Variants in WDR4 observed in about 807,000 individuals in gnomAD.
WDR4 encodes WDR4 tRNA N7-guanosine methyltransferase non-catalytic subunit.
In WDR4, 47 loss-of-function variants were observed where a neutral mutation model predicts 48.6. That is an observed-to-expected ratio of 0.97 (90% CI 0.77 to 1.23). The LOEUF (loss-of-function observed/expected upper bound fraction) is 1.23. Ranked by LOEUF, WDR4 falls within the 50% of genes most tolerant of loss-of-function variation. The pLI, the probability that WDR4 is intolerant of heterozygous loss-of-function variation, is 0.00. For missense variants in WDR4, 606 were observed against 551.6 expected, an observed-to-expected ratio of 1.10 and a Z score of -0.99; for synonymous variants, 268 against 230.0, an observed-to-expected ratio of 1.17 and a Z score of -1.49.
intron 2 of WDR4, among the ~76,000 whole-genome samples, chr21:42,875,959 C>T (rs1291939966): frequency 8.0e-6 from 1 of 124,916 alleles, no homozygotes; most frequent in Admixed American, 8.8e-5. Flanking sequence ...GCTGTGTCAC[C>T]CAGGTTGGAG....
At chr21:42,861,698 G>GA (rs1196252758) in intron 5 of WDR4, among the ~76,000 whole-genome samples, 2 of 152,190 alleles carry the variant, frequency 1.3e-5, no homozygotes, top group Non-Finnish European at 2.9e-5. Flanking sequence ...CCTCGGCACT[G>GA]AATTTCCTCC....
upstream of WDR4, among the ~76,000 whole-genome samples, chr21:42,881,328 T>C (rs1475270252): frequency 6.6e-6 from 1 of 152,246 alleles, no homozygotes; most frequent in Non-Finnish European, 1.5e-5. Context: ...TGAGAACTTG[T>C]TACCAACTAT....
At position 42,854,576 on chromosome 21, in the gene WDR4, C is replaced by T. The variant is rs140790002; in HGVS notation, c.777G>A (p.Ala259=). 381 of 1,613,676 alleles carry T rather than the reference C, an allele frequency of 2.4e-4. No individual in the cohort carries two copies. The highest frequency in any genetic ancestry group is 2.7e-4 in the Non-Finnish European group (321 of 1,179,878). Reference sequence around the variant, plus strand: ...CCGCAGCTTACCCGTCGCACAGGAGCGCCACGCAGTTCTCCTGGCACCAGA... The same window carrying T: ...CCGCAGCTTACCCGTCGCACAGGAGTGCCACGCAGTTCTCCTGGCACCAGA... The part of the protein sequence containing the change: ...IAFWCQENCV[A]LLCDGTPVVY... The change falls in exon 8 of 11, where the codon GCG becomes GCA. Residue 259 remains alanine (A), a synonymous_variant. Transcript: ENST00000398208.
At chr21:42,851,680 T>C (rs1258735253) in intron 10 of WDR4, among the ~76,000 whole-genome samples, 1 of 152,144 alleles carries the variant, frequency 6.6e-6, no homozygotes, top group Non-Finnish European at 1.5e-5. Context: ...AAAATGTTCG[T>C]CCAGCTCCTC....
intron 3 of WDR4, among the ~76,000 whole-genome samples, chr21:42,864,126 AAAAAG>A (rs1569326685): frequency 6.9e-6 from 1 of 144,234 alleles, no homozygotes; most frequent in South Asian, 2.2e-4. Context: ...AAAAAAAAAA[AAAAAG>A]AAAAGAATAG....
At chr21:42,859,588 C>CCA in intron 6 of WDR4, 74 bp downstream of exon 6, 1 of 714,568 alleles carries the variant, frequency 1.4e-6, no homozygotes, top group Non-Finnish European at 2.1e-6. Flanking sequence ...GGGGCCAGGT[C>CCA]CAGGAGGCGC....
chr21:42,849,423 T>A lies in WDR4; in HGVS notation c.*626A>T, dbSNP rs2057760200. ...CAGCCAGGCCCGTGCTCACACTTCC[T>A]GAAACAAGTTCACCATCTGTGCCAC... On this transcript the variant is annotated 3_prime_UTR_variant, in exon 11 of 11. Coordinates refer to ENST00000398208, the MANE Select transcript of WDR4 (RefSeq NM_018669.6). 1 of 152,374 alleles carries A rather than the reference T, an allele frequency of 6.6e-6. No individual in the cohort carries two copies. The highest frequency in any genetic ancestry group is 6.5e-5 in the Admixed American group (1 of 15,290). 9.4% of individuals were successfully genotyped at this position (152,374 alleles called of 1,614,324 possible). A position where few individuals can be genotyped will look rare whatever the true frequency, so the allele number is the denominator to read the frequency against.
chr21:42,852,719 C>T (rs2146000703), intron 9 of WDR4, among the ~76,000 whole-genome samples: 1 of 152,308 alleles, frequency 6.6e-6, no homozygotes, highest in South Asian at 2.1e-4. Context: ...AGTTCAAGAC[C>T]AGCCTGACCA....
intron 10 of WDR4, among the ~76,000 whole-genome samples, chr21:42,850,873 C>A (rs1021496098): frequency 2.6e-5 from 4 of 152,218 alleles, no homozygotes; most frequent in African/African-American, 9.6e-5. Flanking sequence ...TGACTGACCA[C>A]AGGCACACGG....
chr21:42,865,854 G>A (rs1427593224), intron 3 of WDR4, among the ~76,000 whole-genome samples: 3 of 152,036 alleles, frequency 2.0e-5, no homozygotes, highest in Non-Finnish European at 4.4e-5. Context: ...TCCGTTCTCT[G>A]CCAGGAGTCG....
chr21:42,858,200 C>A (rs997459189), intron 6 of WDR4, among the ~76,000 whole-genome samples: 1 of 152,148 alleles, frequency 6.6e-6, no homozygotes, highest in African/African-American at 2.4e-5. Context: ...AAGAAAATGC[C>A]CCAGGTCGGA....
upstream of WDR4, chr21:42,879,628 C>G: frequency 8.7e-7 from 1 of 1,148,882 alleles, no homozygotes; most frequent in Non-Finnish European, 1.2e-6. Context: ...CAAGGACGAG[C>G]CTGCCTTGAG....
intron 2 of WDR4, 114 bp downstream of exon 2, chr21:42,876,588 C>T (rs892482538): frequency 2.0e-6 from 2 of 987,032 alleles, no homozygotes; most frequent in Non-Finnish European, 3.1e-6. Flanking sequence ...ATCTGCACCA[C>T]TGTGTGACAG....
At chr21:42,852,083 T>C (rs2145997897) in intron 10 of WDR4, among the ~76,000 whole-genome samples, 172 bp downstream of exon 10, 1 of 152,350 alleles carries the variant, frequency 6.6e-6, no homozygotes, top group Non-Finnish European at 1.5e-5. Context: ...CTTCTTCTGC[T>C]GTGCGTCACC....
At chr21:42,846,759 C>T (rs2145979374), downstream of WDR4, among the ~76,000 whole-genome samples, 1 of 152,174 alleles carries the variant, frequency 6.6e-6, no homozygotes, top group South Asian at 2.1e-4. Flanking sequence ...CAGTGGCTGA[C>T]ACCTATAATC....
intron 9 of WDR4, among the ~76,000 whole-genome samples, chr21:42,853,117 AC>A (rs1245405124): frequency 6.6e-6 from 1 of 151,778 alleles, no homozygotes; most frequent in Non-Finnish European, 1.5e-5. Context: ...TCGCCCAGAG[AC>A]CCCACTGTCT....
At chr21:42,887,648 T>G in the WDR4 span, among the ~76,000 whole-genome samples, 1 of 152,226 alleles carries the variant, frequency 6.6e-6, no homozygotes, top group Non-Finnish European at 1.5e-5. Context: ...CATCTTTACA[T>G]TTACGTTTCT....
In WDR4 at chr21:42,853,558, C is replaced by T. The variant is rs774890606; in HGVS notation, c.975+11G>A. The stretch of plus-strand genomic sequence containing the variant: ...CAGGGCATAGGACATCTGGAAGGTG[C>T]CGAGTCTCACCTGCCACTGGTCGCC... On this transcript the variant is annotated intron_variant, in intron 9 of 10. Coordinates refer to ENST00000398208, the MANE Select transcript of WDR4 (RefSeq NM_018669.6). The T allele has an allele frequency of 1.9e-6, 3 of 1,603,284 alleles. No individual in the cohort carries two copies. Among genetic ancestry groups the T allele is most frequent in the Admixed American group, 1.7e-5 (1 of 58,866 alleles).
chr21:42,863,903 G>GCA, intron 3 of WDR4, among the ~76,000 whole-genome samples: 1 of 125,808 alleles, frequency 7.9e-6, no homozygotes, highest in South Asian at 2.6e-4. Context: ...TCAGGAGATT[G>GCA]AGACCATTCT....
Sources: allele counts gnomAD v4.1 joint callset (sites outside exome capture counted in the v4.1 genomes callset), GRCh38; gene constraint gnomAD v4.1.1; transcripts MANE v1.5; gene names NCBI Gene and HGNC (gene_info 2026-07-23, HGNC 2026-07-21).